PLD5: variants seen among roughly 807,000 people sequenced by gnomAD.
PLD5 encodes phospholipase D family member 5.
PLD5 carries 36 observed loss-of-function variants against 61.1 expected under a neutral mutation model. That is an observed-to-expected ratio of 0.59 (90% CI 0.45 to 0.78). The LOEUF is 0.78. Among genes scored for constraint, PLD5 ranks in the 30% least tolerant of loss-of-function variants. PLD5 has a pLI of 0.00. For missense variants in PLD5, 515 were observed against 644.4 expected (o/e 0.80, Z 2.17); for synonymous variants, 243 against 242.8 (o/e 1.00, Z -0.01).
intron 4 of PLD5, among the ~76,000 whole-genome samples, chr1:242,234,275 C>T (rs554060452): frequency 2.0e-5 from 3 of 152,108 alleles, no homozygotes; most frequent in Non-Finnish European, 4.4e-5. Flanking sequence ...AAAATCCAGC[C>T]AACCGTGCAT....
intron 1 of PLD5, among the ~76,000 whole-genome samples, chr1:242,394,546 ATG>A: frequency 6.0e-5 from 1 of 16,760 alleles, no homozygotes; most frequent in East Asian, 1.6e-3. Context: ...GAACATATAT[ATG>A]TGTATATATG....
At chr1:242,144,972 C>T (rs1012175200) in intron 5 of PLD5, among the ~76,000 whole-genome samples, 1 of 152,090 alleles carries the variant, frequency 6.6e-6, no homozygotes, top group Non-Finnish European at 1.5e-5. Flanking sequence ...AATTTGGGCT[C>T]TTACTGTTTT....
At chr1:242,317,780 T>A (rs1199906451) in intron 2 of PLD5, among the ~76,000 whole-genome samples, 1 of 151,554 alleles carries the variant, frequency 6.6e-6, no homozygotes, top group Non-Finnish European at 1.5e-5. Flanking sequence ...ATAAACTCTA[T>A]TCTCTATTCC....
chr1:242,270,782 G>A (rs1452804428), intron 3 of PLD5, among the ~76,000 whole-genome samples: 1 of 152,292 alleles, frequency 6.6e-6, no homozygotes, highest in Admixed American at 6.5e-5. Context: ...GTATATGAGG[G>A]GAGAGGCCTC....
At chr1:242,442,049 G>A (rs1000649376) in intron 1 of PLD5, among the ~76,000 whole-genome samples, 3 of 152,154 alleles carry the variant, frequency 2.0e-5, no homozygotes, top group Non-Finnish European at 4.4e-5. Context: ...GCCACCTCTC[G>A]CTGACAACTT....
At chr1:242,461,212 T>G (rs745783218) in intron 1 of PLD5, among the ~76,000 whole-genome samples, 1 of 152,212 alleles carries the variant, frequency 6.6e-6, no homozygotes, top group Non-Finnish European at 1.5e-5. Flanking sequence ...AATAAGTAGT[T>G]TGTTGAATAG....
chr1:242,330,405 G>A (rs566919151), intron 2 of PLD5, among the ~76,000 whole-genome samples: 1 of 152,228 alleles, frequency 6.6e-6, no homozygotes, highest in Admixed American at 6.5e-5. Context: ...ATATGCTGTG[G>A]CCCTTACTTG....
chr1:242,242,214 C>T (rs978956411), intron 4 of PLD5, among the ~76,000 whole-genome samples: 9 of 151,968 alleles, frequency 5.9e-5, no homozygotes, highest in East Asian at 1.9e-4. Flanking sequence ...GAGTAACTTG[C>T]GCGAGGTCCT....
At chr1:242,502,658 T>C (rs1290452822) in intron 1 of PLD5, among the ~76,000 whole-genome samples, 3 of 152,152 alleles carry the variant, frequency 2.0e-5, no homozygotes, top group Non-Finnish European at 2.9e-5. Context: ...CATGGGCATG[T>C]ATGTGTGTAT....
chr1:242,174,685 A>G (rs1279753811), intron 5 of PLD5, among the ~76,000 whole-genome samples: 3 of 152,202 alleles, frequency 2.0e-5, no homozygotes, highest in Non-Finnish European at 4.4e-5. Context: ...TTAAGAAAAC[A>G]TGGCACATAT....
At chr1:242,167,085 T>C (rs1666368600) in intron 5 of PLD5, among the ~76,000 whole-genome samples, 1 of 120,174 alleles carries the variant, frequency 8.3e-6, no homozygotes, top group African/African-American at 2.9e-5. Context: ...ATAGTAATAA[T>C]AATAATAATA....
intron 1 of PLD5, among the ~76,000 whole-genome samples, chr1:242,522,422 A>C (rs1669308574): frequency 6.6e-6 from 1 of 152,220 alleles, no homozygotes; most frequent in African/African-American, 2.4e-5. Context: ...GAAAATCTAA[A>C]AGTGAGAAAG....
chr1:242,287,439 C>A (rs1310837734), intron 3 of PLD5, among the ~76,000 whole-genome samples: 2 of 152,186 alleles, frequency 1.3e-5, no homozygotes, highest in Non-Finnish European at 1.5e-5. Flanking sequence ...AGTTAGTAAA[C>A]TCATTCCATT....
intron 3 of PLD5, among the ~76,000 whole-genome samples, chr1:242,274,076 G>T (rs565225247): frequency 6.6e-6 from 1 of 152,120 alleles, no homozygotes; most frequent in Non-Finnish European, 1.5e-5. Context: ...GTAGCCACAG[G>T]AAATGAATAT....
chr1:242,228,392 G>A (rs533573602), intron 4 of PLD5, among the ~76,000 whole-genome samples: 15 of 152,226 alleles, frequency 9.9e-5, no homozygotes, highest in South Asian at 8.3e-4. Context: ...CGAGGCACCC[G>A]CAGGACACAG....
At chr1:242,506,676 G>A (rs1668731905) in intron 1 of PLD5, among the ~76,000 whole-genome samples, 2 of 152,142 alleles carry the variant, frequency 1.3e-5, no homozygotes, top group South Asian at 2.1e-4. Flanking sequence ...AAGGGGCCCA[G>A]GAACAGTAAA....
intron 1 of PLD5, among the ~76,000 whole-genome samples, chr1:242,437,812 G>T (rs1666072163): frequency 6.6e-6 from 1 of 152,148 alleles, no homozygotes; most frequent in African/African-American, 2.4e-5. Context: ...AACTAGCTAT[G>T]ATTATAAACA....
intron 1 of PLD5, among the ~76,000 whole-genome samples, chr1:242,407,837 A>G (rs59370595): frequency 0.16 from 24,676 of 152,094 alleles, 2,263 homozygotes; most frequent in African/African-American, 0.25. Flanking sequence ...TCAGTCTCCC[A>G]AAGTGCTGGG....
intron 2 of PLD5, among the ~76,000 whole-genome samples, chr1:242,311,558 G>A (rs1485329012): frequency 1.8e-4 from 27 of 152,136 alleles, no homozygotes. Context: ...TAGTTGTTTG[G>A]TTTCAGGCAA....
Sources: gnomAD v4.1 joint callset for allele counts (sites outside exome capture counted in the v4.1 genomes callset) on GRCh38, gnomAD v4.1.1 for gene constraint, MANE v1.5 for transcripts, NCBI Gene and HGNC (gene_info 2026-07-23, HGNC 2026-07-21) for gene names.